MID1: variants seen among roughly 807,000 people sequenced by gnomAD.
MID1 encodes E3 ubiquitin-protein ligase Midline-1.
In MID1, 7 loss-of-function variants were observed where a neutral mutation model predicts 40.4. The ratio of observed to expected loss-of-function variants is 0.17; its 90% CI spans 0.10 to 0.33. The LOEUF is 0.33. Among genes scored for constraint, MID1 ranks in the 10% least tolerant of loss-of-function variants. The pLI is 1.00. For missense variants in MID1, 367 were observed against 558.5 expected (o/e 0.66, Z 3.46); for synonymous variants, 229 against 221.2 (o/e 1.04, Z -0.31).
intron 3 of MID1, among the ~76,000 whole-genome samples, chrX:10,510,830 C>CAAAA (rs1185825614): frequency 4.2e-4 from 10 of 23,937 alleles, no homozygotes; most frequent in Middle Eastern, 0.045. Flanking sequence ...GACTCTGTCT[C>CAAAA]AAAAAAAAAA....
chrX:10,693,639 T>C (rs12011683), intron 1 of MID1, among the ~76,000 whole-genome samples: 3,533 of 111,716 alleles, frequency 0.032, 72 homozygotes, highest in African/African-American at 0.073. Flanking sequence ...AGTACATCTA[T>C]TTTTAGGATT....
At chrX:10,653,635 C>G (rs1013933920) in intron 1 of MID1, among the ~76,000 whole-genome samples, 1 of 112,614 alleles carries the variant, frequency 8.9e-6, no homozygotes, top group Admixed American at 9.4e-5. Context: ...GAAAACATTG[C>G]TTTTCTAATG....
chrX:10,619,029 G>C (rs1296856229), intron 1 of MID1, among the ~76,000 whole-genome samples: 2 of 111,800 alleles, frequency 1.8e-5, no homozygotes, highest in Non-Finnish European at 3.8e-5. Flanking sequence ...ACCAAGGCAA[G>C]GGCAATTCAT....
At chrX:10,756,904 T>C (rs2043636296) in intron 1 of MID1, among the ~76,000 whole-genome samples, 1 of 111,717 alleles carries the variant, frequency 9.0e-6, no homozygotes, top group South Asian at 3.8e-4. Flanking sequence ...ATTGCCATGT[T>C]ACCTCTCTGT....
At chrX:10,655,819 T>C (rs762952741) in intron 1 of MID1, among the ~76,000 whole-genome samples, 40 of 110,611 alleles carry the variant, frequency 3.6e-4, no homozygotes, top group African/African-American at 9.9e-4. Context: ...GGAGCAGCGA[T>C]TGATCATGTA....
chrX:10,497,771 G>T (rs1055142456), intron 3 of MID1, among the ~76,000 whole-genome samples: 2 of 111,877 alleles, frequency 1.8e-5, no homozygotes, highest in Admixed American at 1.9e-4. Flanking sequence ...GAATAAACCC[G>T]AAGAGCTAAG....
chrX:10,728,132 T>C (rs1330243252), intron 1 of MID1, among the ~76,000 whole-genome samples: 2 of 112,000 alleles, frequency 1.8e-5, no homozygotes, highest in South Asian at 3.7e-4. Context: ...TAGAAATAAA[T>C]ATTTCATAGG....
At chrX:10,565,230 A>G (rs1303322997) in intron 2 of MID1, 2 of 329,206 alleles carry the variant, frequency 6.1e-6, no homozygotes, top group African/African-American at 5.3e-5. Flanking sequence ...CTTCCTCTAC[A>G]TGGTTTAAAG....
At chrX:10,716,542 T>C (rs762995648) in intron 1 of MID1, among the ~76,000 whole-genome samples, 1 of 111,836 alleles carries the variant, frequency 8.9e-6, no homozygotes, top group African/African-American at 3.3e-5. Context: ...CATGGGACTA[T>C]GTGAAAAGAC....
intron 1 of MID1, among the ~76,000 whole-genome samples, chrX:10,797,707 C>T (rs1451167571): frequency 8.9e-6 from 1 of 111,772 alleles, no homozygotes; most frequent in African/African-American, 3.3e-5. Flanking sequence ...TCAAAGTAAA[C>T]ATATACATGA....
Position 10,740,455 on chromosome X carries a change from C to T in MID1, c.-187+93099G>A, listed in dbSNP as rs527582475. Among the ~76,000 whole-genome samples, 329 of 112,340 alleles carry T rather than the reference C, an allele frequency of 2.9e-3. 1 individual carries two copies. The highest frequency in any genetic ancestry group is 1.0e-2 in the African/African-American group (309 of 30,982). ...TGGCTTGGTGATGCCATATGACTGA[C>T]GGAAAGTAAACTGAACTTTACAACC... On this transcript the variant is annotated intron_variant, in intron 1 of 10. Transcript: ENST00000380785.
chrX:10,585,902 G>A (rs139633110), intron 1 of MID1, among the ~76,000 whole-genome samples: 1,161 of 111,564 alleles, frequency 0.01, 10 homozygotes, highest in Non-Finnish European at 0.015. Context: ...CACAGGCATC[G>A]AATTTCAAGG....
chrX:10,589,240 A>G (rs1032823821), intron 1 of MID1, among the ~76,000 whole-genome samples: 7 of 111,946 alleles, frequency 6.3e-5, no homozygotes, highest in African/African-American at 2.3e-4. Flanking sequence ...AACAAAAACC[A>G]AAGTGCCGGT....
intron 6 of MID1, among the ~76,000 whole-genome samples, chrX:10,472,933 C>T (rs1929793252): frequency 8.9e-6 from 1 of 112,425 alleles, no homozygotes; most frequent in South Asian, 3.7e-4. Flanking sequence ...GTTTTATTCA[C>T]TGCTAGTTGG....
intron 1 of MID1, among the ~76,000 whole-genome samples, chrX:10,764,602 A>G (rs1247612160): frequency 9.0e-6 from 1 of 111,647 alleles, no homozygotes; most frequent in African/African-American, 3.3e-5. Context: ...CAAAGGTTAG[A>G]TTTTATTTAT....
At chrX:10,766,442 A>C (rs1424001175) in intron 1 of MID1, among the ~76,000 whole-genome samples, 1 of 111,973 alleles carries the variant, frequency 8.9e-6, no homozygotes, top group Non-Finnish European at 1.9e-5. Flanking sequence ...TGATGTGGTC[A>C]TGTGGGAATG....
chrX:10,519,891 C>T (rs1351760160), intron 3 of MID1, among the ~76,000 whole-genome samples: 1 of 112,143 alleles, frequency 8.9e-6, no homozygotes, highest in Non-Finnish European at 1.9e-5. Context: ...AAGGGGAGCA[C>T]TTGTAAGTAA....
intron 3 of MID1, among the ~76,000 whole-genome samples, chrX:10,516,188 CTTTT>C (rs1191096522): frequency 2.8e-5 from 2 of 71,495 alleles, no homozygotes; most frequent in East Asian, 4.3e-4. Flanking sequence ...TGAAGTTGCT[CTTTT>C]TTTTTTTTTT....
chrX:10,716,629 T>C (rs1235647492), intron 1 of MID1, among the ~76,000 whole-genome samples: 1 of 111,771 alleles, frequency 8.9e-6, no homozygotes, highest in Non-Finnish European at 1.9e-5. Flanking sequence ...TGCAGGATAT[T>C]ATCCAGGAGA....
Sources: allele counts gnomAD v4.1 joint callset (sites outside exome capture counted in the v4.1 genomes callset), GRCh38; gene constraint gnomAD v4.1.1; transcripts MANE v1.5; gene names NCBI Gene and HGNC (gene_info 2026-07-23, HGNC 2026-07-21).